Variants in SLC30A2 observed in about 807,000 individuals in gnomAD.
SLC30A2 encodes the protein proton-coupled zinc antiporter SLC30A2.
In SLC30A2, 19 loss-of-function variants were observed where a neutral mutation model predicts 39.6. That is an observed-to-expected ratio of 0.48 (90% CI 0.34 to 0.70). The LOEUF (loss-of-function observed/expected upper bound fraction) is 0.70. Ranked by LOEUF, SLC30A2 falls within the 30% of genes least tolerant of loss-of-function variation. The probability of loss-of-function intolerance (pLI) is 0.01; values close to 1 mark genes in which losing one functional copy is unlikely to be tolerated. For synonymous variants in SLC30A2, 195 were observed against 194.8 expected (o/e 1.00, Z -0.01); for missense variants, 387 against 479.4 (o/e 0.81, Z 1.80).
intron 3 of SLC30A2, among the ~76,000 whole-genome samples, chr1:26,044,022 G>A (rs1055854229): frequency 6.6e-6 from 1 of 152,108 alleles, no homozygotes; most frequent in Non-Finnish European, 1.5e-5. Flanking sequence ...ATTGTCATTT[G>A]TTCTTGAAGC....
intron 3 of SLC30A2, 80 bp from the exon 4 acceptor site, chr1:26,043,631 C>T: frequency 7.0e-7 from 1 of 1,421,780 alleles, no homozygotes; most frequent in Non-Finnish European, 9.6e-7. Flanking sequence ...TCAGGATCCT[C>T]CCCACCCACC....
In SLC30A2 at chr1:26,039,851, A is replaced by C. The variant is rs954913705; in HGVS notation, c.899T>G (p.Val300Gly). 11 of 1,613,810 alleles carry C rather than the reference A, an allele frequency of 6.8e-6. No individual in the cohort carries two copies. The highest frequency in any genetic ancestry group is 9.3e-6 in the Non-Finnish European group (11 of 1,179,968). Residue 300 changes from valine to glycine, a missense_variant, in exon 7 of 8, where the codon GTA becomes GGA. Transcript: ENST00000374276. This position sits in a 1 kb window ranked among gnomAD's most constrained non-coding sequence, Gnocchi z 4.3. ...VRDLLLSVEG[V>G]EALHSLHIWA... is the part of the protein sequence containing the mutation. Reference sequence around the variant, plus strand: ...GATATGCAGGCTGTGCAGGGCTTCTACCCCCTCCACCGACAGCAGCAGATC... The same window carrying C: ...GATATGCAGGCTGTGCAGGGCTTCTCCCCCCTCCACCGACAGCAGCAGATC...
rs774477332 is a variant in SLC30A2 at position 26,042,639 on chromosome 1, G to C, written c.642C>G (p.Asn214Lys). 6.2e-7 allele frequency: 1 copy of C among 1,614,168 alleles called. No homozygotes were observed. Among genetic ancestry groups the C allele is most frequent in the South Asian group, 1.1e-5 (1 of 91,078 alleles). The change falls in exon 5 of 8, where the codon AAC becomes AAG. Residue 214 changes from asparagine to lysine, a missense_variant. By Grantham distance (94) the Asn-to-Lys change is moderately conservative. Transcript: ENST00000374276. Reference sequence around the variant, plus strand: ...GGATGAAGGCAGCTCGGACGCTGGGGTTCTCCTCCTGCTGGTTGGTGGTGC... The same window carrying C: ...GGATGAAGGCAGCTCGGACGCTGGGCTTCTCCTCCTGCTGGTTGGTGGTGC... The part of the protein sequence containing the change: ...SHGTTNQQEE[N>K]PSVRAAFIHV...
Position 26,039,874 on chromosome 1 carries a change from A to G in SLC30A2, c.876T>C (p.Asp292=). 6.2e-7 allele frequency: 1 copy of G among 1,614,108 alleles called. No individual in the cohort carries two copies. The highest frequency in any genetic ancestry group is 8.5e-7 in the Non-Finnish European group (1 of 1,180,020). Residue 292 remains aspartate, a synonymous_variant, in exon 7 of 8, where the codon GAT becomes GAC. Coordinates refer to ENST00000374276, the MANE Select transcript of SLC30A2 (RefSeq NM_001004434.3). The surrounding 1 kb of genome is among the most constrained non-coding windows in gnomAD (Gnocchi z 4.3). ...CTACCCCCTCCACCGACAGCAGCAG[A>G]TCACGAACAGCTGTGAAGTCAACGC... ...PKGVDFTAVR[D]LLLSVEGVEA... is the part of the protein sequence containing the mutation.
Position 26,039,982 on chromosome 1 carries a change from G to C in SLC30A2, c.839-71C>G. The C allele has an allele frequency of 6.4e-7, 1 of 1,572,200 alleles. No individual in the cohort carries two copies. Among genetic ancestry groups the C allele is most frequent in the Non-Finnish European group, 8.7e-7 (1 of 1,147,254 alleles). On this transcript the variant is annotated intron_variant, in intron 6 of 7. Coordinates refer to ENST00000374276, the MANE Select transcript of SLC30A2 (RefSeq NM_001004434.3). This position sits in a 1 kb window ranked among gnomAD's most constrained non-coding sequence, Gnocchi z 4.3. ...CACGCCTGCCCATTGGTGCAGGGCT[G>C]GCTCCTGATCCTCAGGTGTCATCCC...
chr1:26,043,163 A>G (rs377236571), intron 4 of SLC30A2, among the ~76,000 whole-genome samples: 7 of 152,326 alleles, frequency 4.6e-5, no homozygotes, highest in East Asian at 1.9e-4. Context: ...CCTGACATGT[A>G]TCAGGGAGTG....
At chr1:26,044,236 G>A in intron 3 of SLC30A2, 62 bp downstream of exon 3, 1 of 1,572,504 alleles carries the variant, frequency 6.4e-7, no homozygotes, top group South Asian at 1.1e-5. Context: ...AGCCACCTAA[G>A]AACCCCTGTT....
At chr1:26,043,652 A>C in intron 3 of SLC30A2, 101 bp from the exon 4 acceptor site, 1 of 1,277,572 alleles carries the variant, frequency 7.8e-7, no homozygotes, top group Non-Finnish European at 1.1e-6. Flanking sequence ...TCCCACACAA[A>C]GTCAGGGCCT....
At chr1:26,041,493 C>T (rs112750628) in intron 6 of SLC30A2, among the ~76,000 whole-genome samples, 5 of 152,146 alleles carry the variant, frequency 3.3e-5, no homozygotes, top group East Asian at 1.9e-4. Flanking sequence ...GGCTGGGGGA[C>T]GGTTCCAGGA....
Position 26,042,632 on chromosome 1 carries a change from C to G in SLC30A2, c.649G>C (p.Val217Leu), listed in dbSNP as rs373747848. ...ATCACATGGATGAAGGCAGCTCGGA[C>G]GCTGGGGTTCTCCTCCTGCTGGTTG... ...TTNQQEENPS[V>L]RAAFIHVIGD... The change falls in exon 5 of 8, where the codon GTC becomes CTC. Residue 217 changes from valine (V) to leucine (L), a missense_variant. By Grantham distance (32) the Val-to-Leu change is conservative (BLOSUM62 1). Coordinates refer to ENST00000374276, the MANE Select transcript of SLC30A2 (RefSeq NM_001004434.3). The G allele has an allele frequency of 3.7e-5, 59 of 1,614,070 alleles. No homozygotes were observed. The highest frequency in any genetic ancestry group is 4.8e-5 in the Non-Finnish European group (57 of 1,180,030).
chr1:26,043,501 C>T lies in SLC30A2; in HGVS notation c.469G>A (p.Val157Ile), dbSNP rs571054223. 3.3e-5 allele frequency: 53 copies of T among 1,614,082 alleles called. 1 individual carries two copies. The highest frequency in any genetic ancestry group is 1.5e-4 in the Admixed American group (9 of 60,024). Reference sequence around the variant, plus strand: ...CGCTCCACAGCCAGGTACACCAGTACCCCCGTCACGACCCAGATGGACAGT... The same window carrying T: ...CGCTCCACAGCCAGGTACACCAGTATCCCCGTCACGACCCAGATGGACAGT... ...SVLSIWVVTG[V>I]LVYLAVERLI... The change falls in exon 4 of 8, where the codon GTA becomes ATA. Residue 157 changes from valine to isoleucine, a missense_variant. Coordinates refer to ENST00000374276, the MANE Select transcript of SLC30A2 (RefSeq NM_001004434.3).
At chr1:26,041,359 C>T (rs754886445) in intron 6 of SLC30A2, among the ~76,000 whole-genome samples, 4 of 152,206 alleles carry the variant, frequency 2.6e-5, no homozygotes, top group Non-Finnish European at 5.9e-5. Context: ...TGAGAGAAGG[C>T]AGCCAGAGCC....
At chr1:26,044,146 C>T in intron 3 of SLC30A2, 152 bp downstream of exon 3, 1 of 797,594 alleles carries the variant, frequency 1.3e-6, no homozygotes, top group Non-Finnish European at 2.0e-6. Context: ...AGGACAGAGG[C>T]CATGGTTGAC....
In SLC30A2 at chr1:26,043,514, C is replaced by A; in HGVS notation, c.456G>T (p.Trp152Cys). 1.9e-6 allele frequency: 3 copies of A among 1,614,122 alleles called. No homozygotes were observed. The highest frequency in any genetic ancestry group is 2.5e-6 in the Non-Finnish European group (3 of 1,180,014). The change falls in exon 4 of 8, where the codon TGG becomes TGT. Residue 152 changes from tryptophan (W) to cysteine (C), a missense_variant. Trp to Cys is a radical substitution (Grantham distance 215). Transcript: ENST00000374276. ...GGTACACCAGTACCCCCGTCACGAC[C>A]CAGATGGACAGTACAGAGACCAGGG... ...LGALVSVLSI[W>C]VVTGVLVYLA...
intron 4 of SLC30A2, among the ~76,000 whole-genome samples, chr1:26,043,061 T>A (rs1366372619): frequency 6.6e-6 from 1 of 152,196 alleles, no homozygotes; most frequent in African/African-American, 2.4e-5. Flanking sequence ...GAGACCAATT[T>A]CAGACTTGGG....
Position 26,038,946 on chromosome 1 carries a change from G to T in SLC30A2, c.*214C>A. ...CTGGCCCAGGAGCTGGAAGAGCAGGGTCACACTAGCTTTATACCCGCTGAG... is the reference window on the plus strand; with the variant it reads ...CTGGCCCAGGAGCTGGAAGAGCAGGTTCACACTAGCTTTATACCCGCTGAG... On this transcript the variant is annotated 3_prime_UTR_variant, in exon 8 of 8. Coordinates refer to ENST00000374276, the MANE Select transcript of SLC30A2 (RefSeq NM_001004434.3). 22 of 1,289,710 alleles carry T rather than the reference G, an allele frequency of 1.7e-5. No homozygotes were observed. Among genetic ancestry groups the T allele is most frequent in the Non-Finnish European group, 2.2e-5 (22 of 1,005,604 alleles). 79.9% of individuals were successfully genotyped at this position (1,289,710 alleles called of 1,614,324 possible).
rs1426921445 is a variant in SLC30A2 at position 26,037,497 on chromosome 1, G to T, written c.*1663C>A. 1.3e-5 allele frequency: 2 copies of T among 148,528 alleles called. No individual in the cohort carries two copies. Among genetic ancestry groups the T allele is most frequent in the African/African-American group, 5.3e-5 (2 of 37,974 alleles). The allele number at this position is 148,528 out of a possible 1,614,324, so 9.2% of individuals were successfully genotyped here. ...CATCTGCCTGCCTCAGCCTCCCAAG[G>T]TGCTGGGATTGCAGGCATGAGCCAC... On this transcript the variant is annotated 3_prime_UTR_variant, in exon 8 of 8. Coordinates refer to ENST00000374276, the MANE Select transcript of SLC30A2 (RefSeq NM_001004434.3).
In SLC30A2 at chr1:26,042,489, G is replaced by A. The variant is rs947389620; in HGVS notation, c.732+60C>T. 184 of 1,460,130 alleles carry A rather than the reference G, an allele frequency of 1.3e-4. No individual in the cohort carries two copies. The Admixed American group carries it at 3.2e-3, about 25-fold the overall frequency. The allele number at this position is 1,460,130 out of a possible 1,614,324, so 90.4% of individuals were successfully genotyped here. ...ATCTGAAAAGAAACCCCGGTAGAGA[G>A]TATACTCAGGTGGTCTACACTCCCC... On this transcript the variant is annotated intron_variant, in intron 5 of 7. Transcript: ENST00000374276.
chr1:26,042,529 C>T lies in SLC30A2; in HGVS notation c.732+20G>A, dbSNP rs1459094036. ...CTACACTCCCCTGCCACCCCCACCA[C>T]CCTGTGTCCCAGCTCTGACCTTGAA... On this transcript the variant is annotated intron_variant, in intron 5 of 7. Transcript: ENST00000374276. 2 of 1,607,292 alleles carry T rather than the reference C, an allele frequency of 1.2e-6. No homozygotes were observed. The highest frequency in any genetic ancestry group is 1.1e-5 in the South Asian group (1 of 90,708).
Sources: allele counts gnomAD v4.1 joint callset (sites outside exome capture counted in the v4.1 genomes callset), GRCh38; gene constraint gnomAD v4.1.1; non-coding constraint Gnocchi (gnomAD v3.1); transcripts MANE v1.5; gene names NCBI Gene and HGNC (gene_info 2026-07-23, HGNC 2026-07-21).